The following PCDHA7 variants were observed in gnomAD, a reference collection of about 807,000 sequenced individuals.
The protein encoded by PCDHA7 is protocadherin alpha 7.
PCDHA7 carries 37 observed loss-of-function variants against 57.2 expected under a neutral mutation model. The observed-to-expected ratio is 0.65, with a 90% CI of 0.50 to 0.85. The LOEUF (loss-of-function observed/expected upper bound fraction) is 0.85, where lower values mean the gene tolerates loss of function less well. Among genes scored for constraint, PCDHA7 ranks in the 40% least tolerant of loss-of-function variants. The probability of loss-of-function intolerance (pLI) is 0.00; values close to 1 mark genes in which losing one functional copy is unlikely to be tolerated. For missense variants in PCDHA7, 1,188 were observed against 1,241.8 expected (o/e 0.96, Z 0.65); for synonymous variants, 553 against 558.8 (o/e 0.99, Z 0.15).
intron 1 of PCDHA7, among the ~76,000 whole-genome samples, chr5:140,946,628 A>ATATATATATATATATATATATATATATC (rs2093986423): frequency 7.4e-6 from 1 of 134,528 alleles, no homozygotes; most frequent in Non-Finnish European, 1.6e-5. Context: ...ATATATATAT[A>ATATATATATATATATATATATATATATC]TATACAATGG....
intron 1 of PCDHA7, chr5:140,882,640 G>C (rs1330929245): frequency 1.2e-6 from 2 of 1,614,068 alleles, no homozygotes; most frequent in Admixed American, 3.3e-5. Context: ...TGAAGGTGAG[G>C]GACATTAACG....
At chr5:140,969,957 G>A (rs1554232176) in intron 1 of PCDHA7, among the ~76,000 whole-genome samples, 1 of 152,178 alleles carries the variant, frequency 6.6e-6, no homozygotes, top group East Asian at 1.9e-4. Flanking sequence ...AGTTTGCTTT[G>A]GCTGTATGAT....
At position 140,850,728 on chromosome 5, in the gene PCDHA7, G is replaced by T. The variant is rs2150496245; in HGVS notation, c.2355+13990G>T. The T allele has an allele frequency of 4.2e-5, 67 of 1,598,072 alleles. 6 individuals are homozygous for T. The highest frequency in any genetic ancestry group is 5.7e-5 in the Non-Finnish European group (66 of 1,167,642). On this transcript the variant is annotated intron_variant, in intron 1 of 3. Transcript: ENST00000525929. ...GCCGACGCTGGTGTGTTCTAGCGCGGTGGGGAGTTGGTCGTACTCGCAGCA... is the reference window on the plus strand; with the variant it reads ...GCCGACGCTGGTGTGTTCTAGCGCGTTGGGGAGTTGGTCGTACTCGCAGCA...
At chr5:140,911,057 TG>T (rs1554194586) in intron 1 of PCDHA7, among the ~76,000 whole-genome samples, 1 of 151,474 alleles carries the variant, frequency 6.6e-6, no homozygotes, top group Non-Finnish European at 1.5e-5. Context: ...TGGTGGGGGG[TG>T]GGTCCTGAGG....
chr5:140,995,905 G>C (rs1346539389), intron 3 of PCDHA7, among the ~76,000 whole-genome samples: 1 of 152,186 alleles, frequency 6.6e-6, no homozygotes, highest in Non-Finnish European at 1.5e-5. Flanking sequence ...GTATAAAAGA[G>C]GAGAGACCAT....
intron 1 of PCDHA7, among the ~76,000 whole-genome samples, chr5:140,951,147 AATATAGT>A (rs1554219760): frequency 9.9e-6 from 1 of 100,716 alleles, no homozygotes; most frequent in African/African-American, 4.8e-5. Flanking sequence ...TATCTTATTG[AATATAGT>A]TATAGTAGCT....
intron 1 of PCDHA7, among the ~76,000 whole-genome samples, chr5:140,947,310 A>G (rs1554218156): frequency 6.6e-6 from 1 of 151,620 alleles, no homozygotes; most frequent in Admixed American, 6.6e-5. Flanking sequence ...ATCTTTGTAA[A>G]AAGTCGGTTG....
At chr5:140,841,792 G>A in intron 1 of PCDHA7, 1 of 1,613,916 alleles carries the variant, frequency 6.2e-7, no homozygotes, top group Non-Finnish European at 8.5e-7. Flanking sequence ...TAGAGGGCGC[G>A]TCCGATGCAG....
intron 3 of PCDHA7, among the ~76,000 whole-genome samples, chr5:140,989,557 G>A (rs933151682): frequency 6.6e-6 from 1 of 152,166 alleles, no homozygotes; most frequent in Non-Finnish European, 1.5e-5. Context: ...TTTACGTTTT[G>A]TGGCTCCGGC....
chr5:140,903,884 A>C (rs1466107424), intron 1 of PCDHA7, among the ~76,000 whole-genome samples: 1 of 152,214 alleles, frequency 6.6e-6, no homozygotes, highest in Non-Finnish European at 1.5e-5. Context: ...AAGACATTGA[A>C]TCTTGACCTG....
At position 140,848,511 on chromosome 5, in the gene PCDHA7, C is replaced by A. The variant is rs1554142145; in HGVS notation, c.2355+11773C>A. On this transcript the variant is annotated intron_variant, in intron 1 of 3. Transcript: ENST00000525929. ...AGTATTTGAAATGTTATACTCAAGT[C>A]GAGGAGATCCAGAGGGTCAGCCTCT... is the stretch of plus-strand genomic sequence containing the variant. 3 of 1,589,608 alleles carry A rather than the reference C, an allele frequency of 1.9e-6. No individual in the cohort carries two copies. The Admixed American group carries it at 5.1e-5, about 27-fold the overall frequency.
At chr5:141,004,532 C>G (rs569751588) in intron 3 of PCDHA7, among the ~76,000 whole-genome samples, 1 of 152,314 alleles carries the variant, frequency 6.6e-6, no homozygotes, top group African/African-American at 2.4e-5. Context: ...TACACACAGC[C>G]ATTAATGTCC....
At chr5:140,937,228 G>A (rs920892612) in intron 1 of PCDHA7, among the ~76,000 whole-genome samples, 1 of 151,718 alleles carries the variant, frequency 6.6e-6, no homozygotes, top group Admixed American at 6.6e-5. Context: ...TTGTAGAGAC[G>A]GGGTTTCACC....
intron 1 of PCDHA7, chr5:140,850,254 G>A: frequency 3.8e-6 from 6 of 1,593,786 alleles, no homozygotes; most frequent in South Asian, 1.1e-5. Flanking sequence ...GTCGGTGGGC[G>A]CCGGCGTAGT....
intron 1 of PCDHA7, among the ~76,000 whole-genome samples, chr5:140,873,067 TATC>T (rs2054071448): frequency 1.3e-5 from 2 of 152,218 alleles, no homozygotes; most frequent in Admixed American, 1.3e-4. Flanking sequence ...TTGAGAATCA[TATC>T]TAGCTATTTC....
chr5:140,846,705 G>C (rs1780632800), intron 1 of PCDHA7, among the ~76,000 whole-genome samples: 1 of 149,364 alleles, frequency 6.7e-6, no homozygotes, highest in Admixed American at 6.7e-5. Context: ...AGAGAAGATT[G>C]TAATAACCAG....
In PCDHA7 at chr5:140,848,538, C is replaced by T. The variant is rs1354116035; in HGVS notation, c.2355+11800C>T. 7 of 1,595,202 alleles carry T rather than the reference C, an allele frequency of 4.4e-6. No individual in the cohort carries two copies. The Admixed American group carries it at 1.0e-4, about 23-fold the overall frequency. ...AGGAGATCCAGAGGGTCAGCCTCTA[C>T]TGCTCTCGCTTCTGATCCTCGCAAT... is the stretch of plus-strand genomic sequence containing the variant. On this transcript the variant is annotated intron_variant, in intron 1 of 3. Transcript: ENST00000525929.
intron 1 of PCDHA7, among the ~76,000 whole-genome samples, chr5:140,949,848 C>T (rs534650997): frequency 2.2e-4 from 34 of 151,738 alleles, no homozygotes; most frequent in African/African-American, 6.0e-4. Flanking sequence ...CTTCTGTTTC[C>T]GCTTATCTGT....
chr5:140,890,238 C>T (rs2062554718), intron 1 of PCDHA7, among the ~76,000 whole-genome samples: 1 of 152,034 alleles, frequency 6.6e-6, no homozygotes, highest in African/African-American at 2.4e-5. Flanking sequence ...TAAGCATTTA[C>T]CAGTACACTA....
Sources: allele counts gnomAD v4.1 joint callset (sites outside exome capture counted in the v4.1 genomes callset), GRCh38; gene constraint gnomAD v4.1.1; transcripts MANE v1.5; gene names NCBI Gene and HGNC (gene_info 2026-07-23, HGNC 2026-07-21).